FARS2: variants seen among roughly 807,000 people sequenced by gnomAD.
FARS2 encodes phenylalanine--tRNA ligase, mitochondrial.
A neutral mutation model predicts 46.4 loss-of-function variants in FARS2; 40 were observed. The observed-to-expected ratio is 0.86, with a 90% CI of 0.67 to 1.12. The LOEUF (loss-of-function observed/expected upper bound fraction) is 1.12. Ranked by LOEUF, FARS2 falls within the 50% of genes most tolerant of loss-of-function variation. The pLI is 0.00. For synonymous variants in FARS2, 234 were observed against 214.9 expected (o/e 1.09, Z -0.78); for missense variants, 513 against 567.9 (o/e 0.90, Z 0.98).
intron 4 of FARS2, among the ~76,000 whole-genome samples, chr6:5,436,857 T>G (rs112067072): frequency 2.6e-5 from 4 of 152,360 alleles, no homozygotes; most frequent in African/African-American, 9.6e-5. Context: ...CAGACCATAC[T>G]TTGAAAACCC....
chr6:5,721,090 AT>A (rs1759874269), intron 6 of FARS2, among the ~76,000 whole-genome samples: 1 of 152,236 alleles, frequency 6.6e-6, no homozygotes, highest in Non-Finnish European at 1.5e-5. Flanking sequence ...TAAGTAAAAC[AT>A]TTTAAAAGAT....
intron 5 of FARS2, among the ~76,000 whole-genome samples, chr6:5,548,790 A>G (rs1024583149): frequency 6.6e-6 from 1 of 152,152 alleles, no homozygotes; most frequent in Non-Finnish European, 1.5e-5. Flanking sequence ...TCTGCCTTCA[A>G]ATTTGAAAGC....
At chr6:5,523,526 G>C (rs1217130226) in intron 4 of FARS2, among the ~76,000 whole-genome samples, 1 of 152,012 alleles carries the variant, frequency 6.6e-6, no homozygotes, top group Non-Finnish European at 1.5e-5. Context: ...TCTGGCTGGT[G>C]GTTGGGTCCC....
chr6:5,355,209 A>G (rs763812972), intron 1 of FARS2, among the ~76,000 whole-genome samples: 2 of 152,086 alleles, frequency 1.3e-5, no homozygotes, highest in Non-Finnish European at 2.9e-5. Flanking sequence ...TTCTTCCACC[A>G]TGGGAGTCTG....
chr6:5,267,449 G>A (rs903479071), intron 1 of FARS2, among the ~76,000 whole-genome samples: 7 of 151,924 alleles, frequency 4.6e-5, no homozygotes, highest in Non-Finnish European at 1.0e-4. Flanking sequence ...TAGGAGCTTT[G>A]CCATGAAAAG....
chr6:5,606,903 C>G (rs970794302), intron 5 of FARS2, among the ~76,000 whole-genome samples: 2 of 152,076 alleles, frequency 1.3e-5, no homozygotes, highest in African/African-American at 4.8e-5. Flanking sequence ...CAGTCTTTGT[C>G]CCTGAGGAAG....
At chr6:5,540,311 C>G (rs1770543077) in intron 4 of FARS2, among the ~76,000 whole-genome samples, 1 of 152,186 alleles carries the variant, frequency 6.6e-6, no homozygotes, top group African/African-American at 2.4e-5. Context: ...GGTATTTATT[C>G]CCTTCAATGC....
upstream of FARS2, among the ~76,000 whole-genome samples, chr6:5,256,547 CTTATTGGTCTCAGGACCCTT>C (rs1246549538): frequency 5.3e-5 from 6 of 113,732 alleles, no homozygotes; most frequent in African/African-American, 1.9e-4. Flanking sequence ...GGTTCTTAAA[CTTATTGGTCTCAGGACCCTT>C]TTACACTGTG....
intron 3 of FARS2, among the ~76,000 whole-genome samples, chr6:5,408,339 G>T (rs979616442): frequency 1.3e-5 from 2 of 152,026 alleles, no homozygotes; most frequent in Non-Finnish European, 2.9e-5. Flanking sequence ...AAGCAAGGTG[G>T]GGGGGCAGAA....
intron 5 of FARS2, among the ~76,000 whole-genome samples, chr6:5,591,878 A>G: frequency 6.6e-6 from 1 of 151,854 alleles, no homozygotes. Context: ...CTTCCCCATC[A>G]CTTTGTAAAT....
intron 6 of FARS2, among the ~76,000 whole-genome samples, chr6:5,707,746 C>T (rs189465969): frequency 6.6e-6 from 1 of 152,336 alleles, no homozygotes; most frequent in Non-Finnish European, 1.5e-5. Context: ...CAGCCACGTC[C>T]TTCCGTCCAC....
At chr6:5,532,082 A>G (rs1769877789) in intron 4 of FARS2, among the ~76,000 whole-genome samples, 1 of 152,168 alleles carries the variant, frequency 6.6e-6, no homozygotes. Context: ...TCAGAAGAGA[A>G]ATCTACTGTT....
chr6:5,577,346 G>A (rs1273127143), intron 5 of FARS2, among the ~76,000 whole-genome samples: 2 of 106,792 alleles, frequency 1.9e-5, no homozygotes, highest in Non-Finnish European at 4.3e-5. Flanking sequence ...ACTGAAAATA[G>A]AGAGAGAGTG....
At chr6:5,539,941 G>C (rs570299119) in intron 4 of FARS2, among the ~76,000 whole-genome samples, 1 of 152,100 alleles carries the variant, frequency 6.6e-6, no homozygotes. Context: ...TTCAGAAGAC[G>C]TGCCACATCA....
chr6:5,415,554 T>G (rs769700885), intron 3 of FARS2, among the ~76,000 whole-genome samples: 1 of 151,774 alleles, frequency 6.6e-6, no homozygotes, highest in African/African-American at 2.4e-5. Flanking sequence ...TGACCTCAGG[T>G]GATTCACCCA....
chr6:5,332,092 C>A (rs752378347), intron 1 of FARS2, among the ~76,000 whole-genome samples: 7 of 152,172 alleles, frequency 4.6e-5, no homozygotes, highest in Admixed American at 3.9e-4. Flanking sequence ...TGAGAGGTCA[C>A]ATGATTTGCC....
intron 6 of FARS2, among the ~76,000 whole-genome samples, chr6:5,652,228 A>G (rs548547781): frequency 9.0e-4 from 137 of 152,358 alleles, no homozygotes; most frequent in African/African-American, 3.0e-3. Context: ...TTAAAGCTAC[A>G]GAGAGACCCA....
intron 3 of FARS2, among the ~76,000 whole-genome samples, chr6:5,412,054 A>C (rs1761966694): frequency 6.6e-6 from 1 of 152,180 alleles, no homozygotes; most frequent in Admixed American, 6.5e-5. Context: ...TAGATTAATT[A>C]GTGTGAAGGA....
chr6:5,444,119 G>GTGTGTGTGTA (rs1763998263), intron 4 of FARS2, among the ~76,000 whole-genome samples: 1 of 150,766 alleles, frequency 6.6e-6, no homozygotes, highest in Non-Finnish European at 1.5e-5. Flanking sequence ...GTGTGTGTGT[G>GTGTGTGTGTA]TGTGTGTATG....
Sources: allele counts gnomAD v4.1 joint callset (sites outside exome capture counted in the v4.1 genomes callset), GRCh38; gene constraint gnomAD v4.1.1; transcripts MANE v1.5; gene names NCBI Gene and HGNC (gene_info 2026-07-23, HGNC 2026-07-21).